MYLK: variants seen among roughly 807,000 people sequenced by gnomAD.
MYLK encodes myosin light chain kinase.
Under a neutral mutation model 203.4 loss-of-function variants are expected in MYLK, and 106 were observed. That is an observed-to-expected ratio of 0.52 (90% CI 0.45 to 0.61). The LOEUF (loss-of-function observed/expected upper bound fraction) is 0.61. Among genes scored for constraint, MYLK ranks in the 20% least tolerant of loss-of-function variants. MYLK has a pLI of 0.00. For synonymous variants in MYLK, 867 were observed against 959.5 expected (o/e 0.90, Z 1.78); for missense variants, 2,072 against 2,442.3 (o/e 0.85, Z 3.20).
chr3:123,774,793 G>A (rs997590364), intron 4 of MYLK, among the ~76,000 whole-genome samples: 2 of 152,160 alleles, frequency 1.3e-5, no homozygotes, highest in African/African-American at 4.8e-5. Context: ...TCTTCTGAAT[G>A]CTTCTTTCCT....
chr3:123,857,347 C>T (rs1284228741), intron 2 of MYLK, among the ~76,000 whole-genome samples: 1 of 152,044 alleles, frequency 6.6e-6, no homozygotes, highest in Non-Finnish European at 1.5e-5. Context: ...CACATGCACA[C>T]GTATGTTTAT....
intron 16 of MYLK, 146 bp downstream of exon 16, chr3:123,707,608 G>T: frequency 8.1e-7 from 1 of 1,232,874 alleles, no homozygotes; most frequent in Non-Finnish European, 1.2e-6. Flanking sequence ...AAAAGCTTGT[G>T]AGCAGCACTG....
Position 123,638,207 on chromosome 3 carries a change from T to A in MYLK, c.4838-13A>T. 1 of 1,613,470 alleles carries A rather than the reference T, an allele frequency of 6.2e-7. No homozygotes were observed. The highest frequency in any genetic ancestry group is 1.1e-5 in the South Asian group (1 of 91,026). On this transcript the variant is annotated splice_polypyrimidine_tract_variant and intron_variant, in intron 28 of 33. Transcript: ENST00000360304. The stretch of plus-strand genomic sequence containing the variant: ...GACCCCGCATTCTCTGAAACCAGGA[T>A]GGAGAGGGATAAATTGCCAGCACAT...
intron 5 of MYLK, among the ~76,000 whole-genome samples, chr3:123,744,092 T>A (rs375486826): frequency 6.6e-6 from 1 of 152,008 alleles, no homozygotes; most frequent in South Asian, 2.1e-4. Context: ...TTAACTGATA[T>A]CCCCATGCGA....
intron 1 of MYLK, among the ~76,000 whole-genome samples, chr3:123,880,741 G>A (rs1035263302): frequency 6.6e-6 from 1 of 152,168 alleles, no homozygotes; most frequent in Non-Finnish European, 1.5e-5. Flanking sequence ...CAGTGAGCAG[G>A]AGGGCAGGGA....
At chr3:123,779,858 G>A (rs146552295) in intron 4 of MYLK, among the ~76,000 whole-genome samples, 72 of 152,304 alleles carry the variant, frequency 4.7e-4, no homozygotes, top group African/African-American at 1.6e-3. Flanking sequence ...ATTCCCACAC[G>A]ACATGCCAGC....
In MYLK at chr3:123,780,525, T is replaced by G. The variant is rs1242811112; in HGVS notation, c.165+13152A>C. On this transcript the variant is annotated intron_variant, in intron 4 of 33. Transcript: ENST00000360304. ...GCATCACAGTCATCTGGTTCAACTC[T>G]CTCATTTTATAGGATGAGGAAACTA... Among the ~76,000 whole-genome samples, 6 of 152,348 alleles carry G rather than the reference T, an allele frequency of 3.9e-5. No individual in the cohort carries two copies. In the East Asian group the frequency reaches 1.2e-3, roughly 29 times the overall value.
rs57918846 is a variant in MYLK at position 123,693,031 on chromosome 3, A to C, written c.3449-180T>G. Among the ~76,000 whole-genome samples the C allele has an allele frequency of 4.0e-3, 613 of 152,184 alleles. 6 individuals carry two copies. Among genetic ancestry groups the C allele is most frequent in the African/African-American group, 0.013 (559 of 41,528 alleles). The stretch of plus-strand genomic sequence containing the variant: ...CCAGGGAACTTTCTGCTTATAACCC[A>C]TGTCCAAAATAACTGATCCCTAAAT... On this transcript the variant is annotated intron_variant, in intron 18 of 33. Coordinates refer to ENST00000360304, the MANE Select transcript of MYLK (RefSeq NM_053025.4).
chr3:123,667,096 A>C (rs780816309), intron 21 of MYLK, 41 bp downstream of exon 21: 33 of 1,597,052 alleles, frequency 2.1e-5, no homozygotes, highest in Non-Finnish European at 2.7e-5. Context: ...CCCCCATGGT[A>C]GATGACTTCT....
chr3:123,718,662 A>C (rs820347), intron 13 of MYLK, among the ~76,000 whole-genome samples: 131,005 of 152,000 alleles, frequency 0.86, 58,977 homozygotes, highest in Non-Finnish European at 0.99. Context: ...AGGCTTCCTC[A>C]CAGCACTAAA....
intron 31 of MYLK, chr3:123,624,048 A>G (rs1286128866): frequency 6.6e-6 from 1 of 152,210 alleles, no homozygotes; most frequent in African/African-American, 2.4e-5. Flanking sequence ...ATTGATTAAA[A>G]TATCAGCATA....
chr3:123,745,138 G>C (rs76323829), intron 5 of MYLK, among the ~76,000 whole-genome samples: 4,284 of 149,846 alleles, frequency 0.029, 189 homozygotes, highest in African/African-American at 0.096. Context: ...CTTTTTTTTT[G>C]TATTATTGAA....
chr3:123,648,912 T>C lies in MYLK; in HGVS notation c.4415+59A>G. On this transcript the variant is annotated intron_variant, in intron 26 of 33. Coordinates refer to ENST00000360304, the MANE Select transcript of MYLK (RefSeq NM_053025.4). The surrounding 1 kb of genome is among the most constrained non-coding windows in gnomAD (Gnocchi z 4.5). ...AGGAAGCTGAGGCACTGAATCTAAC[T>C]GTGAGACCCGCACCACCCTCACCCT... 3 of 1,449,672 alleles carry C rather than the reference T, an allele frequency of 2.1e-6. No individual in the cohort carries two copies. Among genetic ancestry groups the C allele is most frequent in the South Asian group, 2.3e-5 (2 of 87,434 alleles). The allele number at this position is 1,449,672 out of a possible 1,614,324, so 89.8% of individuals were successfully genotyped here. A position where few individuals can be genotyped will look rare whatever the true frequency, so the allele number is the denominator to read the frequency against.
At chr3:123,684,701 AT>A (rs1164814737) in intron 19 of MYLK, among the ~76,000 whole-genome samples, 1 of 151,842 alleles carries the variant, frequency 6.6e-6, no homozygotes, top group Non-Finnish European at 1.5e-5. Context: ...CGCCTGACTA[AT>A]TTTTCGTATT....
chr3:123,649,306 G>A (rs1344443750), intron 24 of MYLK, 112 bp from the exon 25 acceptor site: 69 of 1,383,138 alleles, frequency 5.0e-5, no homozygotes, highest in Non-Finnish European at 6.9e-5. Context: ...CCAGGCAGAC[G>A]ACTACCAGGT....
At chr3:123,862,271 T>C (rs2031994248) in intron 2 of MYLK, among the ~76,000 whole-genome samples, 1 of 152,270 alleles carries the variant, frequency 6.6e-6, no homozygotes, top group Non-Finnish European at 1.5e-5. Flanking sequence ...CATCTGTGTA[T>C]TCAGCAAGTT....
chr3:123,669,298 G>A (rs1186785222), intron 20 of MYLK, among the ~76,000 whole-genome samples: 2 of 152,308 alleles, frequency 1.3e-5, no homozygotes, highest in African/African-American at 4.8e-5. Flanking sequence ...GGCCTACTGT[G>A]TGCCAGGCAA....
rs2066254718 is a variant in MYLK at position 123,829,636 on chromosome 3, G to GACTCC, written c.-4+1911_-4+1912insGGAGT. On this transcript the variant is annotated intron_variant, in intron 3 of 33. Transcript: ENST00000360304. ...TAAAGAAATGATAAATGTTTGCAATGATGGATATGCTAATTGCCCAGATCT... is the reference window on the plus strand; with the variant it reads ...TAAAGAAATGATAAATGTTTGCAATGACTCCATGGATATGCTAATTGCCCAGATCT... Among the ~76,000 whole-genome samples the GACTCC allele has an allele frequency of 1.8e-4, 27 of 152,308 alleles. 1 individual carries two copies. In the South Asian group the frequency reaches 5.6e-3, roughly 32 times the overall value.
chr3:123,721,476 G>A (rs1328976915), intron 13 of MYLK, among the ~76,000 whole-genome samples: 1 of 152,246 alleles, frequency 6.6e-6, no homozygotes, highest in African/African-American at 2.4e-5. Flanking sequence ...GCTCCCTGCA[G>A]TTCCCGGGGA....
Sources: allele counts gnomAD v4.1 joint callset (sites outside exome capture counted in the v4.1 genomes callset), GRCh38; gene constraint gnomAD v4.1.1; non-coding constraint Gnocchi (gnomAD v3.1); transcripts MANE v1.5; gene names NCBI Gene and HGNC (gene_info 2026-07-23, HGNC 2026-07-21).